SLC26A7: variants seen among roughly 807,000 people sequenced by gnomAD.
SLC26A7 encodes solute carrier family 26 member 7.
In SLC26A7, 59 loss-of-function variants were observed where a neutral mutation model predicts 82.5. That is an observed-to-expected ratio of 0.72 (90% CI 0.58 to 0.89). SLC26A7 has a LOEUF of 0.89. SLC26A7 is among the 40% of genes least tolerant of loss of function. SLC26A7 has a pLI of 0.00. For synonymous variants in SLC26A7, 271 were observed against 274.3 expected (o/e 0.99, Z 0.12); for missense variants, 820 against 793.0 (o/e 1.03, Z -0.41).
At position 91,395,323 on chromosome 8, in the gene SLC26A7, A is replaced by G. The variant is rs1808538582; in HGVS notation, c.*226A>G. ...TTAGTTATTTTATGTAAAAATCAGT[A>G]TGTGTTTAGTTTTAGTGTACTGAAG... On this transcript the variant is annotated 3_prime_UTR_variant, in exon 19 of 19. Coordinates refer to ENST00000276609, the MANE Select transcript of SLC26A7 (RefSeq NM_052832.4). 1.7e-6 allele frequency: 2 copies of G among 1,180,828 alleles called. No individual in the cohort carries two copies. Among genetic ancestry groups the G allele is most frequent in the Non-Finnish European group, 2.2e-6 (2 of 906,372 alleles). The allele number at this position is 1,180,828 out of a possible 1,614,324, so 73.1% of individuals were successfully genotyped here.
At chr8:91,345,986 TC>T (rs1297408130) in intron 9 of SLC26A7, among the ~76,000 whole-genome samples, 1 of 152,184 alleles carries the variant, frequency 6.6e-6, no homozygotes. Flanking sequence ...GCGCCCCTTC[TC>T]TTCTCTGTTC....
chr8:91,391,360 G>A (rs2130907627), intron 16 of SLC26A7, among the ~76,000 whole-genome samples: 1 of 152,252 alleles, frequency 6.6e-6, no homozygotes, highest in South Asian at 2.1e-4. Flanking sequence ...TTCAGAATTG[G>A]CAGATATTTC....
intron 2 of SLC26A7, among the ~76,000 whole-genome samples, chr8:91,263,067 G>A (rs1456076641): frequency 6.6e-6 from 1 of 151,962 alleles, no homozygotes; most frequent in Non-Finnish European, 1.5e-5. Flanking sequence ...TTTTTCAATT[G>A]CAACAAAGTG....
intron 2 of SLC26A7, among the ~76,000 whole-genome samples, chr8:91,233,377 A>G (rs1810340814): frequency 6.6e-6 from 1 of 151,790 alleles, no homozygotes; most frequent in Non-Finnish European, 1.5e-5. Context: ...GACCAGCCTG[A>G]CTAACATGGC....
chr8:91,313,752 C>T (rs1339195265), intron 4 of SLC26A7, among the ~76,000 whole-genome samples: 2 of 152,078 alleles, frequency 1.3e-5, no homozygotes. Flanking sequence ...CAGTGCTGTG[C>T]CTAACTCTTA....
intron 2 of SLC26A7, among the ~76,000 whole-genome samples, chr8:91,257,166 C>G (rs1018678700): frequency 6.6e-6 from 1 of 152,174 alleles, no homozygotes; most frequent in African/African-American, 2.4e-5. Context: ...GAGGTTCTCT[C>G]ACTGCCCCCT....
chr8:91,233,049 G>C (rs1810330536), intron 2 of SLC26A7, among the ~76,000 whole-genome samples: 1 of 152,182 alleles, frequency 6.6e-6, no homozygotes, highest in African/African-American at 2.4e-5. Context: ...GGGTTTTCAA[G>C]ATGCTGCCAC....
intron 2 of SLC26A7, among the ~76,000 whole-genome samples, chr8:91,269,963 C>T (rs1034909009): frequency 6.6e-6 from 1 of 151,828 alleles, no homozygotes; most frequent in African/African-American, 2.4e-5. Flanking sequence ...TGCCAAATTT[C>T]TCATTTTCTT....
chr8:91,227,968 CTT>C (rs1326010946), intron 2 of SLC26A7, among the ~76,000 whole-genome samples: 1 of 152,150 alleles, frequency 6.6e-6, no homozygotes, highest in Non-Finnish European at 1.5e-5. Context: ...CCCTCGTGGC[CTT>C]GAGAATGTCC....
At chr8:91,241,246 T>G (rs2130685751) in intron 2 of SLC26A7, among the ~76,000 whole-genome samples, 1 of 152,254 alleles carries the variant, frequency 6.6e-6, no homozygotes, top group African/African-American at 2.4e-5. Flanking sequence ...TGACAAAGGC[T>G]TATGATATAA....
intron 15 of SLC26A7, among the ~76,000 whole-genome samples, chr8:91,388,698 A>G (rs969381782): frequency 6.6e-6 from 1 of 152,142 alleles, no homozygotes; most frequent in Non-Finnish European, 1.5e-5. Context: ...TCGTGGCCCT[A>G]AGAATATCAG....
chr8:91,258,960 G>C (rs1810883843), intron 2 of SLC26A7, among the ~76,000 whole-genome samples: 2 of 151,984 alleles, frequency 1.3e-5, no homozygotes, highest in Non-Finnish European at 2.9e-5. Context: ...CTTTTTACCT[G>C]CTCGTTCGCT....
chr8:91,259,562 A>T (rs948315090), intron 2 of SLC26A7, among the ~76,000 whole-genome samples: 8 of 152,122 alleles, frequency 5.3e-5, no homozygotes, highest in African/African-American at 1.9e-4. Flanking sequence ...GCCCTTCAAT[A>T]TCTGAATCTC....
chr8:91,333,116 T>C (rs1468572828), intron 5 of SLC26A7, among the ~76,000 whole-genome samples: 1 of 152,196 alleles, frequency 6.6e-6, no homozygotes, highest in Non-Finnish European at 1.5e-5. Context: ...TTTGTGCTAG[T>C]CGATTTAGAT....
chr8:91,255,518 G>A (rs948574254), intron 2 of SLC26A7, among the ~76,000 whole-genome samples: 4 of 152,060 alleles, frequency 2.6e-5, no homozygotes, highest in Non-Finnish European at 5.9e-5. Flanking sequence ...CTTAATCACT[G>A]TATCTTCCTG....
rs925046985 is a variant in SLC26A7 at position 91,280,893 on chromosome 8, G to T, written c.194-8243G>T. Reference sequence around the variant, plus strand: ...GTATGTGTAACACCTGTTTATATATGATGAGCTATATTTCTTTGGGAAATG... The same window carrying T: ...GTATGTGTAACACCTGTTTATATATTATGAGCTATATTTCTTTGGGAAATG... On this transcript the variant is annotated intron_variant, in intron 2 of 18. Transcript: ENST00000276609. 1.4e-4 allele frequency among the ~76,000 whole-genome samples: 21 copies of T among 152,182 alleles called. 1 individual carries two copies. The highest frequency in any genetic ancestry group is 1.3e-3 in the Admixed American group (20 of 15,290).
At chr8:91,214,061 T>C (rs1809990689) in intron 1 of SLC26A7, among the ~76,000 whole-genome samples, 1 of 152,068 alleles carries the variant, frequency 6.6e-6, no homozygotes, top group Non-Finnish European at 1.5e-5. Context: ...TTGGCAATAG[T>C]GTGCTGGCTT....
chr8:91,291,894 ACC>A (rs1811880188), intron 3 of SLC26A7, among the ~76,000 whole-genome samples: 1 of 152,228 alleles, frequency 6.6e-6, no homozygotes, highest in African/African-American at 2.4e-5. Flanking sequence ...CGAATGAGCT[ACC>A]ACACAATAAA....
intron 8 of SLC26A7, 191 bp downstream of exon 8, chr8:91,340,742 A>G (rs928065134): frequency 1.3e-5 from 8 of 628,384 alleles, no homozygotes; most frequent in African/African-American, 3.7e-5. Flanking sequence ...ATTGTTCACA[A>G]TGCTTTTTAT....
Sources: gnomAD v4.1 joint callset for allele counts (sites outside exome capture counted in the v4.1 genomes callset) on GRCh38, gnomAD v4.1.1 for gene constraint, MANE v1.5 for transcripts, NCBI Gene and HGNC (gene_info 2026-07-23, HGNC 2026-07-21) for gene names.